Variants in SLC35F3 observed in about 807,000 individuals in gnomAD.
SLC35F3 encodes the protein putative thiamine transporter SLC35F3.
In SLC35F3, 25 loss-of-function variants were observed where a neutral mutation model predicts 49.9. The ratio of observed to expected loss-of-function variants is 0.50; its 90% CI spans 0.37 to 0.70. The LOEUF (loss-of-function observed/expected upper bound fraction) is 0.70. SLC35F3 is among the 30% of genes least tolerant of loss of function. SLC35F3 has a pLI of 0.00. For synonymous variants in SLC35F3, 275 were observed against 265.4 expected (o/e 1.04, Z -0.35); for missense variants, 525 against 639.8 (o/e 0.82, Z 1.94).
chr1:234,011,008 T>C (rs1663709175), intron 2 of SLC35F3, among the ~76,000 whole-genome samples: 1 of 152,194 alleles, frequency 6.6e-6, no homozygotes, highest in Non-Finnish European at 1.5e-5. Context: ...AAATCCATTT[T>C]ACCATAGGCT....
rs1184786181 is a variant in SLC35F3, at chr1:234,053,496, T to A, written c.283+147738T>A. 2.0e-5 allele frequency among the ~76,000 whole-genome samples: 3 copies of A among 152,102 alleles called. No individual in the cohort carries two copies. In the East Asian group the frequency reaches 5.8e-4, roughly 29 times the overall value. Reference sequence around the variant, plus strand: ...GTTGTTTGTTTTCTATTTCCTTGGTTGATCTTCCTCCATCCCTTTATTTTG... The same window carrying A: ...GTTGTTTGTTTTCTATTTCCTTGGTAGATCTTCCTCCATCCCTTTATTTTG... On this transcript the variant is annotated intron_variant, in intron 2 of 7. Coordinates refer to ENST00000366618, the MANE Select transcript of SLC35F3 (RefSeq NM_173508.4).
chr1:233,987,651 A>G (rs1332245283), intron 2 of SLC35F3, among the ~76,000 whole-genome samples: 1 of 152,132 alleles, frequency 6.6e-6, no homozygotes, highest in African/African-American at 2.4e-5. Context: ...GGAATCTCTC[A>G]GTCCAAAAGT....
intron 2 of SLC35F3, among the ~76,000 whole-genome samples, chr1:233,921,504 A>G (rs1662058349): frequency 6.6e-6 from 1 of 152,196 alleles, no homozygotes; most frequent in South Asian, 2.1e-4. Context: ...ATCATAACGA[A>G]TAGTTTCACT....
chr1:234,227,941 G>T (rs529207446), intron 2 of SLC35F3, among the ~76,000 whole-genome samples: 1 of 152,318 alleles, frequency 6.6e-6, no homozygotes, highest in South Asian at 2.1e-4. Flanking sequence ...GGGTGCATTT[G>T]TTGCATTTCC....
In SLC35F3 at chr1:233,985,021, G is replaced by A. The variant is rs146922533; in HGVS notation, c.283+79263G>A. ...TTATTTTCATGCAGGGGTTGGGGGG[G>A]TGCCCCTAAGAGGGGTCCCTGCTCC... On this transcript the variant is annotated intron_variant, in intron 2 of 7. Coordinates refer to ENST00000366618, the MANE Select transcript of SLC35F3 (RefSeq NM_173508.4). Among the ~76,000 whole-genome samples the A allele has an allele frequency of 2.4e-3, 363 of 152,240 alleles. 1 individual carries two copies. Among genetic ancestry groups the A allele is most frequent in the African/African-American group, 8.3e-3 (344 of 41,542 alleles).
intron 2 of SLC35F3, among the ~76,000 whole-genome samples, chr1:233,951,814 C>T (rs1253732810): frequency 1.3e-5 from 2 of 152,038 alleles, no homozygotes; most frequent in Admixed American, 1.3e-4. Context: ...TCAAGTGATC[C>T]TCTCCCTTGG....
chr1:234,128,705 A>T (rs1438674703), intron 2 of SLC35F3, among the ~76,000 whole-genome samples: 1 of 152,252 alleles, frequency 6.6e-6, no homozygotes, highest in African/African-American at 2.4e-5. Context: ...TGTTATGTCC[A>T]GGGAATTATA....
Position 234,214,327 on chromosome 1 carries a change from G to C in SLC35F3, c.284-17090G>C, listed in dbSNP as rs1667087787. The C allele has an allele frequency of 7.6e-7, 1 of 1,308,946 alleles. No homozygotes were observed. The highest frequency in any genetic ancestry group is 2.3e-5 in the South Asian group (1 of 44,260). The allele number at this position is 1,308,946 out of a possible 1,614,324, so 81.1% of individuals were successfully genotyped here. ...GGGCGGCCGCCGCAGTGAGCAACGCGGCAACCGGAGCCCGGCGGGCAGCCG... is the reference window on the plus strand; with the variant it reads ...GGGCGGCCGCCGCAGTGAGCAACGCCGCAACCGGAGCCCGGCGGGCAGCCG... On this transcript the variant is annotated intron_variant, in intron 2 of 7. Coordinates refer to ENST00000366618, the MANE Select transcript of SLC35F3 (RefSeq NM_173508.4). This position sits in a 1 kb window ranked among gnomAD's most constrained non-coding sequence, Gnocchi z 8.0.
At chr1:234,177,934 A>T (rs938111373) in intron 2 of SLC35F3, among the ~76,000 whole-genome samples, 4 of 152,202 alleles carry the variant, frequency 2.6e-5, no homozygotes, top group Admixed American at 6.5e-5. Context: ...TGGCATCTCT[A>T]TCATTTCTCA....
At chr1:234,310,338 C>T (rs1657315353) in intron 4 of SLC35F3, among the ~76,000 whole-genome samples, 1 of 152,166 alleles carries the variant, frequency 6.6e-6, no homozygotes, top group South Asian at 2.1e-4. Context: ...CCCTCATTGT[C>T]CTGGGAACAA....
rs1001040125 is a variant in SLC35F3, at chr1:234,214,134, G to A, written c.284-17283G>A. 1.3e-5 allele frequency: 14 copies of A among 1,045,026 alleles called. No individual in the cohort carries two copies. In the African/African-American group the frequency reaches 2.2e-4, roughly 16 times the overall value. The allele number at this position is 1,045,026 out of a possible 1,614,324, so 64.7% of individuals were successfully genotyped here. On this transcript the variant is annotated intron_variant, in intron 2 of 7. Coordinates refer to ENST00000366618, the MANE Select transcript of SLC35F3 (RefSeq NM_173508.4). This position sits in a 1 kb window ranked among gnomAD's most constrained non-coding sequence, Gnocchi z 8.0. Reference sequence around the variant, plus strand: ...TGGCTGGGAGGAAGACAGGGATGAGGGCTGCGGGGCTGGGCGTCCCGGGGA... The same window carrying A: ...TGGCTGGGAGGAAGACAGGGATGAGAGCTGCGGGGCTGGGCGTCCCGGGGA...
intron 2 of SLC35F3, among the ~76,000 whole-genome samples, chr1:233,973,235 G>A (rs1416773107): frequency 2.0e-5 from 3 of 152,198 alleles, no homozygotes; most frequent in African/African-American, 7.2e-5. Flanking sequence ...AGCTTGCAAA[G>A]CAGAGCCCCA....
chr1:234,023,243 G>C (rs1027969498), intron 2 of SLC35F3, among the ~76,000 whole-genome samples: 5 of 152,128 alleles, frequency 3.3e-5, no homozygotes, highest in African/African-American at 1.2e-4. Flanking sequence ...ATTAGTCCTT[G>C]GAGAAACAGC....
chr1:234,170,526 G>A (rs1004642896), intron 2 of SLC35F3, among the ~76,000 whole-genome samples: 25 of 151,872 alleles, frequency 1.6e-4, no homozygotes, highest in African/African-American at 5.6e-4. Flanking sequence ...TAGAGTACCC[G>A]TTCCAACCCA....
intron 2 of SLC35F3, among the ~76,000 whole-genome samples, chr1:234,077,495 C>G (rs1664809796): frequency 6.6e-6 from 1 of 152,198 alleles, no homozygotes; most frequent in Admixed American, 6.5e-5. Flanking sequence ...ATCATGAGAA[C>G]AGCATGGGGG....
chr1:233,991,554 A>C, intron 2 of SLC35F3, among the ~76,000 whole-genome samples: 1 of 152,056 alleles, frequency 6.6e-6, no homozygotes, highest in African/African-American at 2.4e-5. Context: ...TTCTTGGATT[A>C]CTCTCTCCTG....
intron 2 of SLC35F3, among the ~76,000 whole-genome samples, chr1:233,920,730 A>T (rs1362708088): frequency 6.6e-6 from 1 of 152,210 alleles, no homozygotes; most frequent in Non-Finnish European, 1.5e-5. Context: ...TTCACTTCAG[A>T]ACTTCTCTCA....
chr1:234,297,975 A>AAC (rs752526234), intron 3 of SLC35F3, among the ~76,000 whole-genome samples: 4 of 152,128 alleles, frequency 2.6e-5, no homozygotes, highest in African/African-American at 7.2e-5. Context: ...AAGTGTTCTT[A>AAC]ACACACACAC....
chr1:234,069,558 A>T (rs1664682809), intron 2 of SLC35F3, among the ~76,000 whole-genome samples: 1 of 152,054 alleles, frequency 6.6e-6, no homozygotes, highest in African/African-American at 2.4e-5. Context: ...CCCGGCTGAG[A>T]TTTATATTTT....
Sources: gnomAD v4.1 joint callset for allele counts (sites outside exome capture counted in the v4.1 genomes callset) on GRCh38, gnomAD v4.1.1 for gene constraint, Gnocchi (gnomAD v3.1) non-coding constraint, MANE v1.5 for transcripts, NCBI Gene and HGNC (gene_info 2026-07-23, HGNC 2026-07-21) for gene names.